The following PTGER3 variants were observed in gnomAD, a reference collection of about 807,000 sequenced individuals.
PTGER3 encodes the protein prostaglandin E2 receptor EP3 subtype.
Under a neutral mutation model 34.7 loss-of-function variants are expected in PTGER3, and 22 were observed. That is an observed-to-expected ratio of 0.63 (90% CI 0.45 to 0.91). PTGER3 has a LOEUF of 0.91. Among genes scored for constraint, PTGER3 ranks in the 40% least tolerant of loss-of-function variants. The pLI, the probability that PTGER3 is intolerant of heterozygous loss-of-function variation, is 0.00. For missense variants in PTGER3, 468 were observed against 519.4 expected (o/e 0.90, Z 0.96); for synonymous variants, 241 against 230.1 (o/e 1.05, Z -0.43).
intron 4 of PTGER3, among the ~76,000 whole-genome samples, chr1:70,919,825 G>A (rs967164378): frequency 1.3e-4 from 20 of 152,142 alleles, no homozygotes; most frequent in African/African-American, 4.8e-4. Flanking sequence ...TTCAGGGAGA[G>A]TTCCATTTGT....
chr1:71,040,409 C>T (rs1210877672), intron 1 of PTGER3, among the ~76,000 whole-genome samples: 1 of 151,950 alleles, frequency 6.6e-6, no homozygotes, highest in Non-Finnish European at 1.5e-5. Context: ...TGAGACCAAA[C>T]TGCCCAACAT....
At chr1:70,858,355 G>C (rs571439405) in intron 4 of PTGER3, among the ~76,000 whole-genome samples, 24 of 152,052 alleles carry the variant, frequency 1.6e-4, no homozygotes, top group African/African-American at 5.8e-4. Flanking sequence ...TTATAATTGA[G>C]GTATGAACTG....
chr1:70,873,870 T>C (rs1646218461), intron 4 of PTGER3, among the ~76,000 whole-genome samples: 1 of 152,016 alleles, frequency 6.6e-6, no homozygotes, highest in Admixed American at 6.6e-5. Context: ...GAGGGGGTTT[T>C]GGTGCTTTTA....
At chr1:70,986,259 G>C (rs1654904076) in intron 2 of PTGER3, among the ~76,000 whole-genome samples, 1 of 152,150 alleles carries the variant, frequency 6.6e-6, no homozygotes, top group African/African-American at 2.4e-5. Flanking sequence ...TCTCGGGGCT[G>C]CTTTTTCTAT....
At chr1:71,001,454 C>A (rs910053113) in intron 2 of PTGER3, among the ~76,000 whole-genome samples, 6 of 152,056 alleles carry the variant, frequency 3.9e-5, no homozygotes, top group African/African-American at 1.4e-4. Context: ...AAGGATTTTG[C>A]AATTTGGTTG....
chr1:71,040,072 G>A (rs936826399), intron 1 of PTGER3, among the ~76,000 whole-genome samples: 1 of 146,328 alleles, frequency 6.8e-6, no homozygotes, highest in Non-Finnish European at 1.5e-5. Context: ...AGAAAGAGAG[G>A]GAGGGAGGGA....
chr1:70,977,901 C>G (rs1434299675), intron 2 of PTGER3, among the ~76,000 whole-genome samples: 1 of 152,114 alleles, frequency 6.6e-6, no homozygotes, highest in Admixed American at 6.6e-5. Context: ...TAATTCCTCT[C>G]CTTTTAGCTC....
intron 2 of PTGER3, among the ~76,000 whole-genome samples, chr1:70,961,306 A>G (rs573316725): frequency 6.6e-6 from 1 of 152,308 alleles, no homozygotes; most frequent in African/African-American, 2.4e-5. Context: ...TCCCTTTTTT[A>G]GCATCTGTTG....
At chr1:71,043,458 T>C (rs1403639711) in intron 1 of PTGER3, among the ~76,000 whole-genome samples, 1 of 152,256 alleles carries the variant, frequency 6.6e-6, no homozygotes, top group Non-Finnish European at 1.5e-5. Flanking sequence ...ATTTTCTTAT[T>C]ATGGTGTTTC....
rs1292607831 is a variant in PTGER3, at chr1:71,012,459, T to C, written c.923A>G (p.Asn308Ser). The change falls in exon 2 of 4, where the codon AAT becomes AGT. Residue 308 changes from asparagine to serine, a missense_variant. Around this residue, in one of 5 missense-constraint regions of PTGER3, gnomAD observed 204 missense variants for 230.8 expected, o/e 0.88. Coordinates refer to ENST00000306666, the MANE Select transcript of PTGER3 (RefSeq NM_198719.2). ...CTTGCAGTGCTCAACTGATGTCTGA[T>C]TGAAGATCATTTTCAACATCATTAT... ...LLIMMLKMIF[N>S]QTSVEHCKTH... The C allele has an allele frequency of 5.0e-6, 8 of 1,613,208 alleles. No individual in the cohort carries two copies. Among genetic ancestry groups the C allele is most frequent in the African/African-American group, 1.3e-5 (1 of 75,046 alleles).
At chr1:70,945,228 A>G (rs1398922285) in intron 4 of PTGER3, among the ~76,000 whole-genome samples, 2 of 152,138 alleles carry the variant, frequency 1.3e-5, no homozygotes, top group African/African-American at 4.8e-5. Flanking sequence ...TCAAACTTGG[A>G]GAGACTAGTA....
At position 70,907,331 on chromosome 1, in the gene PTGER3, G is replaced by A. The variant is rs143738810; in HGVS notation, c.*23+46432C>T. Among the ~76,000 whole-genome samples, 594 of 152,332 alleles carry A rather than the reference G, an allele frequency of 3.9e-3. 1 individual carries two copies. The highest frequency in any genetic ancestry group is 6.7e-3 in the Non-Finnish European group (457 of 68,030). ...ATCTTCAGAATATTAGAGATTAGGG[G>A]ATAATGAGAATTACAAGGACAGTGG... On this transcript the variant is annotated intron_variant, in intron 4 of 4. Transcript: ENST00000370931.
chr1:71,008,659 GA>G (rs1285803279), intron 2 of PTGER3: 1 of 983,048 alleles, frequency 1.0e-6, no homozygotes. Context: ...TTGCAACTCA[GA>G]AAAGTCTTAT....
intron 1 of PTGER3, among the ~76,000 whole-genome samples, chr1:71,021,556 A>G (rs1162807172): frequency 6.7e-6 from 1 of 149,682 alleles, no homozygotes; most frequent in East Asian, 1.9e-4. Context: ...TCAGATGTCA[A>G]AAGAAAGTCT....
chr1:70,980,530 T>C (rs1654152782), intron 2 of PTGER3, among the ~76,000 whole-genome samples: 1 of 152,004 alleles, frequency 6.6e-6, no homozygotes, highest in African/African-American at 2.4e-5. Flanking sequence ...TTGGGAGACC[T>C]AGGCAGGAGG....
chr1:71,008,070 T>C (rs949524789), intron 2 of PTGER3: 1 of 983,170 alleles, frequency 1.0e-6, no homozygotes, highest in Non-Finnish European at 1.2e-6. Context: ...TTATCTCTCC[T>C]CTTAAAAACA....
chr1:70,898,242 C>T (rs1443711554), intron 4 of PTGER3, among the ~76,000 whole-genome samples: 2 of 152,190 alleles, frequency 1.3e-5, no homozygotes, highest in African/African-American at 4.8e-5. Flanking sequence ...TGAGTATGAA[C>T]TTGAGCAACA....
downstream of PTGER3, among the ~76,000 whole-genome samples, chr1:70,968,716 A>G (rs1423200099): frequency 6.6e-6 from 1 of 151,874 alleles, no homozygotes; most frequent in Non-Finnish European, 1.5e-5. Flanking sequence ...GTAGTTTTTT[A>G]AGTATCATAT....
chr1:71,008,737 T>C, intron 2 of PTGER3: 1 of 976,264 alleles, frequency 1.0e-6, no homozygotes, highest in Non-Finnish European at 1.2e-6. Flanking sequence ...TTTTGAGATA[T>C]GTAAACATAT....
Sources: allele counts gnomAD v4.1 joint callset (sites outside exome capture counted in the v4.1 genomes callset), GRCh38; gene constraint gnomAD v4.1.1; regional missense constraint gnomAD v4.1.1; transcripts MANE v1.5; gene names NCBI Gene and HGNC (gene_info 2026-07-23, HGNC 2026-07-21).